The following MBNL2 variants were observed in gnomAD, a reference collection of about 807,000 sequenced individuals.
The protein encoded by MBNL2 is muscleblind like splicing regulator 2.
MBNL2 carries 17 observed loss-of-function variants against 41.9 expected under a neutral mutation model. The observed-to-expected ratio is 0.41, with a 90% CI of 0.28 to 0.61. The LOEUF (loss-of-function observed/expected upper bound fraction) is 0.61. Among genes scored for constraint, MBNL2 ranks in the 20% least tolerant of loss-of-function variants. The pLI is 0.35. For synonymous variants in MBNL2, 195 were observed against 182.9 expected (o/e 1.07, Z -0.53); for missense variants, 336 against 505.6 (o/e 0.66, Z 3.22).
chr13:97,155,142 A>G, the MBNL2 span, among the ~76,000 whole-genome samples: 1 of 152,086 alleles, frequency 6.6e-6, no homozygotes, highest in Non-Finnish European at 1.5e-5. Context: ...ATTTCAGGGA[A>G]CCATGAAACT....
At chr13:97,287,918 G>GTTTTGTTTTGTTTT (rs2054901165) in intron 2 of MBNL2, among the ~76,000 whole-genome samples, 2 of 124,626 alleles carry the variant, frequency 1.6e-5, no homozygotes, top group African/African-American at 3.5e-5. Flanking sequence ...CTAATTTTCT[G>GTTTTGTTTTGTTTT]TTTTTTTTTT....
chr13:97,365,137 G>C lies in MBNL2; in HGVS notation c.1014G>C (p.Gly338=). The change falls in exon 8 of 9, where the codon GGG becomes GGC. Residue 338 remains glycine (G), a splice_region_variant and synonymous_variant. Coordinates refer to ENST00000679496, the MANE Select transcript of MBNL2 (RefSeq NM_001382683.1). ...LQQHAAFIPT[G]SVLCMTPATS... Reference sequence around the variant, plus strand: ...CCACCCACCATTGCATGACATCAGGGTCAGTTTTGTGCATGACACCCGCTA... The same window carrying C: ...CCACCCACCATTGCATGACATCAGGCTCAGTTTTGTGCATGACACCCGCTA... 6.2e-7 allele frequency: 1 copy of C among 1,604,314 alleles called. No individual in the cohort carries two copies. The highest frequency in any genetic ancestry group is 1.1e-5 in the South Asian group (1 of 90,880).
intron 5 of MBNL2, among the ~76,000 whole-genome samples, chr13:97,348,081 T>TTTC (rs1454005959): frequency 6.7e-6 from 1 of 149,940 alleles, no homozygotes; most frequent in African/African-American, 2.5e-5. Flanking sequence ...GGGATTTTTT[T>TTTC]TTTTTTTTTT....
chr13:97,286,223 C>G (rs1463611991), intron 2 of MBNL2, among the ~76,000 whole-genome samples: 3 of 152,198 alleles, frequency 2.0e-5, no homozygotes, highest in Non-Finnish European at 4.4e-5. Context: ...CCACTAACAA[C>G]TTTTTAATTC....
intron 2 of MBNL2, among the ~76,000 whole-genome samples, chr13:97,311,345 C>A (rs1339070986): frequency 6.6e-6 from 1 of 152,060 alleles, no homozygotes; most frequent in Non-Finnish European, 1.5e-5. Flanking sequence ...CACCAAGGTT[C>A]TAACTATATA....
chr13:97,261,414 C>A (rs1319377650), intron 1 of MBNL2, among the ~76,000 whole-genome samples: 1 of 152,158 alleles, frequency 6.6e-6, no homozygotes, highest in Non-Finnish European at 1.5e-5. Context: ...ACTGCCGTCA[C>A]CTCCATGTGT....
At chr13:97,151,400 T>TA in the MBNL2 span, among the ~76,000 whole-genome samples, 3 of 151,766 alleles carry the variant, frequency 2.0e-5, no homozygotes, top group South Asian at 2.1e-4. Flanking sequence ...TCAAGGAGGT[T>TA]AAAAAAAAGA....
chr13:97,353,459 T>C (rs1354310494), intron 5 of MBNL2, among the ~76,000 whole-genome samples: 1 of 152,210 alleles, frequency 6.6e-6, no homozygotes, highest in African/African-American at 2.4e-5. Context: ...TTAGAAGATA[T>C]TAATATTCCA....
intron 2 of MBNL2, among the ~76,000 whole-genome samples, chr13:97,324,827 C>T (rs1594211782): frequency 1.3e-5 from 2 of 152,218 alleles, no homozygotes; most frequent in East Asian, 1.9e-4. Flanking sequence ...GTCCGATGTT[C>T]GAGGGAAGGA....
intron 2 of MBNL2, among the ~76,000 whole-genome samples, chr13:97,294,491 A>T (rs1332998000): frequency 6.6e-6 from 1 of 152,232 alleles, no homozygotes; most frequent in Non-Finnish European, 1.5e-5. Flanking sequence ...ATTACGGGCT[A>T]GGTAGAATTT....
intron 5 of MBNL2, among the ~76,000 whole-genome samples, chr13:97,352,968 G>A (rs1485932922): frequency 6.6e-6 from 1 of 152,206 alleles, no homozygotes; most frequent in Non-Finnish European, 1.5e-5. Context: ...GGGGATAAGA[G>A]GGAAAATGGC....
chr13:97,357,626 A>C lies in MBNL2; in HGVS notation c.1003A>C (p.Ile335Leu). 6.2e-7 allele frequency: 1 copy of C among 1,613,994 alleles called. No homozygotes were observed. Among genetic ancestry groups the C allele is most frequent in the Non-Finnish European group, 8.5e-7 (1 of 1,180,000 alleles). Residue 335 changes from isoleucine to leucine, a missense_variant, in exon 7 of 9, where the codon ATT (isoleucine) becomes CTT (leucine). By Grantham distance (5) the Ile-to-Leu change is conservative. Transcript: ENST00000679496. ...ACAGTTGCAGCAACACGCCGCGTTC[A>C]TTCCAACAGGTATGTGCCCTTACTG... is the stretch of plus-strand genomic sequence containing the variant. ...SAQLQQHAAFIPTGSVLCMTP... is the reference protein window; with the variant it reads ...SAQLQQHAAFLPTGSVLCMTP...
chr13:97,246,187 T>A (rs1461940299), intron 1 of MBNL2, among the ~76,000 whole-genome samples: 1 of 152,156 alleles, frequency 6.6e-6, no homozygotes, highest in East Asian at 1.9e-4. Flanking sequence ...AACAGGACTC[T>A]TGTAGTGAAG....
intron 8 of MBNL2, among the ~76,000 whole-genome samples, chr13:97,370,676 A>AAG (rs1555320978): frequency 2.0e-4 from 30 of 151,554 alleles, no homozygotes; most frequent in Non-Finnish European, 3.5e-4. Context: ...TCAAAAAAAA[A>AAG]AAAGAAAGAA....
At chr13:97,181,113 C>T in the MBNL2 span, among the ~76,000 whole-genome samples, 1 of 151,834 alleles carries the variant, frequency 6.6e-6, no homozygotes, top group Admixed American at 6.6e-5. Context: ...CCTTCTCTGA[C>T]TTCTGCTTCC....
At chr13:97,149,920 T>C in the MBNL2 span, among the ~76,000 whole-genome samples, 2 of 152,198 alleles carry the variant, frequency 1.3e-5, no homozygotes, top group African/African-American at 4.8e-5. Flanking sequence ...GGAAATCCAT[T>C]GAATGATTGG....
intron 2 of MBNL2, among the ~76,000 whole-genome samples, chr13:97,281,653 T>C (rs1362568788): frequency 6.6e-6 from 1 of 152,236 alleles, no homozygotes; most frequent in Non-Finnish European, 1.5e-5. Flanking sequence ...AGAAATTGTT[T>C]GAGTATTTTC....
chr13:97,291,769 C>T (rs1380208815), intron 2 of MBNL2, among the ~76,000 whole-genome samples: 2 of 151,686 alleles, frequency 1.3e-5, no homozygotes, highest in African/African-American at 4.8e-5. Flanking sequence ...GTGGCATGCA[C>T]CTGTAATCCC....
the MBNL2 span, among the ~76,000 whole-genome samples, chr13:97,196,472 T>A: frequency 6.6e-6 from 1 of 152,116 alleles, no homozygotes; most frequent in African/African-American, 2.4e-5. Flanking sequence ...CATAGTAAAG[T>A]GAACCTACAG....
Sources: gnomAD v4.1 joint callset for allele counts (sites outside exome capture counted in the v4.1 genomes callset) on GRCh38, gnomAD v4.1.1 for gene constraint, MANE v1.5 for transcripts, NCBI Gene and HGNC (gene_info 2026-07-23, HGNC 2026-07-21) for gene names.